Variants in REV3L observed in about 807,000 individuals in gnomAD.
REV3L encodes DNA polymerase zeta catalytic subunit.
A neutral mutation model predicts 299.4 loss-of-function variants in REV3L; 69 were observed. The ratio of observed to expected loss-of-function variants is 0.23; its 90% CI spans 0.19 to 0.28. The LOEUF (loss-of-function observed/expected upper bound fraction) is 0.28. REV3L is among the 10% of genes least tolerant of loss of function. REV3L has a pLI of 1.00. For synonymous variants in REV3L, 1,238 were observed against 1,271.4 expected (o/e 0.97, Z 0.56); for missense variants, 3,128 against 3,693.8 (o/e 0.85, Z 3.97).
At chr6:111,408,607 CAAAACAA>C (rs1280027753) in intron 3 of REV3L, among the ~76,000 whole-genome samples, 1 of 44,200 alleles carries the variant, frequency 2.3e-5, no homozygotes, top group African/African-American at 5.8e-4. Flanking sequence ...ATCTTAAAAA[CAAAACAA>C]AACAAAACAA....
At chr6:111,452,781 T>C (rs938297499) in intron 1 of REV3L, among the ~76,000 whole-genome samples, 13 of 152,212 alleles carry the variant, frequency 8.5e-5, no homozygotes, top group African/African-American at 3.1e-4. Context: ...CATTTTATTA[T>C]ATGTAAATTA....
intron 1 of REV3L, among the ~76,000 whole-genome samples, chr6:111,443,697 C>T (rs539920067): frequency 1.3e-5 from 2 of 152,272 alleles, no homozygotes; most frequent in South Asian, 4.1e-4. Flanking sequence ...TCATATTTTG[C>T]AGATGTGTGC....
At chr6:111,457,698 C>T (rs962856072) in intron 1 of REV3L, among the ~76,000 whole-genome samples, 1 of 151,502 alleles carries the variant, frequency 6.6e-6, no homozygotes, top group Non-Finnish European at 1.5e-5. Context: ...ACAAAGCATA[C>T]AAGAGCAATT....
chr6:111,400,984 T>C (rs1783031299), intron 4 of REV3L, among the ~76,000 whole-genome samples: 1 of 152,232 alleles, frequency 6.6e-6, no homozygotes, highest in Non-Finnish European at 1.5e-5. Context: ...GCACTATTTG[T>C]TGAAAAGGCT....
intron 21 of REV3L, among the ~76,000 whole-genome samples, chr6:111,340,111 G>GACA (rs1477771987): frequency 6.6e-6 from 1 of 152,124 alleles, no homozygotes; most frequent in Non-Finnish European, 1.5e-5. Flanking sequence ...CAAAAAAGGA[G>GACA]ACAGGAGAAT....
chr6:111,447,731 G>A (rs561417843), intron 1 of REV3L, among the ~76,000 whole-genome samples: 2 of 152,108 alleles, frequency 1.3e-5, no homozygotes, highest in Non-Finnish European at 2.9e-5. Context: ...TAGGTGGCTG[G>A]ACTGGATTTG....
chr6:111,352,805 C>A (rs1045705579), intron 18 of REV3L, among the ~76,000 whole-genome samples: 1 of 152,076 alleles, frequency 6.6e-6, no homozygotes, highest in Non-Finnish European at 1.5e-5. Context: ...AAAACTGAAC[C>A]GACCACCTGC....
intron 15 of REV3L, among the ~76,000 whole-genome samples, chr6:111,364,682 TAA>T (rs1779032825): frequency 6.6e-6 from 1 of 152,020 alleles, no homozygotes; most frequent in Non-Finnish European, 1.5e-5. Flanking sequence ...GGCCAATATA[TAA>T]GTGATTTCTA....
chr6:111,352,944 C>T (rs1562167744), intron 18 of REV3L, among the ~76,000 whole-genome samples: 1 of 152,250 alleles, frequency 6.6e-6, no homozygotes, highest in East Asian at 1.9e-4. Flanking sequence ...GAGAGCGGAA[C>T]TAATTATAGT....
At chr6:111,478,159 A>G (rs1301957977) in intron 1 of REV3L, among the ~76,000 whole-genome samples, 2 of 152,214 alleles carry the variant, frequency 1.3e-5, no homozygotes, top group South Asian at 4.1e-4. Flanking sequence ...TGACTAATCC[A>G]TATTTCCTTC....
chr6:111,353,786 C>T (rs1362163659), intron 18 of REV3L: 1 of 152,214 alleles, frequency 6.6e-6, no homozygotes, highest in Non-Finnish European at 1.5e-5. Flanking sequence ...AGTCTTCCAA[C>T]ATAACACCCA....
At chr6:111,467,922 A>AAC (rs1400893852) in intron 1 of REV3L, among the ~76,000 whole-genome samples, 1 of 151,964 alleles carries the variant, frequency 6.6e-6, no homozygotes, top group Non-Finnish European at 1.5e-5. Flanking sequence ...CACACACACA[A>AAC]ACACACACAC....
chr6:111,365,926 G>C (rs1312859610), intron 14 of REV3L, among the ~76,000 whole-genome samples: 7 of 152,168 alleles, frequency 4.6e-5, no homozygotes, highest in Non-Finnish European at 7.4e-5. Flanking sequence ...GCCCAGGCAA[G>C]AGATGATGAC....
intron 16 of REV3L, chr6:111,360,577 G>A (rs1416333833): frequency 2.0e-5 from 3 of 148,828 alleles, no homozygotes; most frequent in Non-Finnish European, 4.4e-5. Flanking sequence ...CTGGGCTCAA[G>A]TGATCCACTC....
At chr6:111,390,030 G>GA in intron 6 of REV3L, 56 bp downstream of exon 6, 1 of 1,164,334 alleles carries the variant, frequency 8.6e-7, no homozygotes, top group South Asian at 1.3e-5. Flanking sequence ...CACCACACCC[G>GA]CCGGTCATTA....
At position 111,299,954 on chromosome 6, in the gene REV3L, C is replaced by T. The variant is rs1771293344; in HGVS notation, c.*62G>A. 1.1e-5 allele frequency: 17 copies of T among 1,506,686 alleles called. No homozygotes were observed. Among genetic ancestry groups the T allele is most frequent in the Non-Finnish European group, 2.7e-6 (3 of 1,112,500 alleles). 93.3% of individuals were successfully genotyped at this position (1,506,686 alleles called of 1,614,324 possible). ...TCGATGAAAGTTAAAAAGCACCATG[C>T]ACAACAGTTTAGTGGTAAGCACTGA... On this transcript the variant is annotated 3_prime_UTR_variant, in exon 32 of 32. Coordinates refer to ENST00000368802, the MANE Select transcript of REV3L (RefSeq NM_001372078.1).
At chr6:111,429,405 A>C (rs1470545752) in intron 1 of REV3L, among the ~76,000 whole-genome samples, 1 of 152,206 alleles carries the variant, frequency 6.6e-6, no homozygotes, top group African/African-American at 2.4e-5. Flanking sequence ...GAGTTCTTCC[A>C]CCAGACAGAA....
chr6:111,385,397 T>TA (rs961457057), intron 9 of REV3L, among the ~76,000 whole-genome samples: 1 of 151,814 alleles, frequency 6.6e-6, no homozygotes, highest in Admixed American at 6.6e-5. Flanking sequence ...CCACAAAAAT[T>TA]AAAAAAAATT....
At chr6:111,366,985 A>C in intron 14 of REV3L, 130 bp downstream of exon 14, 1 of 694,886 alleles carries the variant, frequency 1.4e-6, no homozygotes, top group Non-Finnish European at 2.2e-6. Context: ...ACTTTCTAAG[A>C]CATGACGAAA....
Sources: gnomAD v4.1 joint callset for allele counts (sites outside exome capture counted in the v4.1 genomes callset) on GRCh38, gnomAD v4.1.1 for gene constraint, MANE v1.5 for transcripts, NCBI Gene and HGNC (gene_info 2026-07-23, HGNC 2026-07-21) for gene names.